Variants in DACH2 observed in about 807,000 individuals in gnomAD.
DACH2 encodes dachshund family transcription factor 2.
DACH2 carries 17 observed loss-of-function variants against 35.8 expected under a neutral mutation model. The observed-to-expected ratio is 0.48, with a 90% CI of 0.33 to 0.71. The LOEUF (loss-of-function observed/expected upper bound fraction) is 0.71, where lower values mean the gene tolerates loss of function less well. DACH2 is among the 30% of genes least tolerant of loss of function. DACH2 has a pLI of 0.02. For synonymous variants in DACH2, 195 were observed against 177.3 expected (o/e 1.10, Z -0.79); for missense variants, 469 against 472.7 (o/e 0.99, Z 0.07).
chrX:86,556,795 T>TATATAGAG lies in DACH2; in HGVS notation c.640+42405_640+42406insTATAGAGA, dbSNP rs1232719385. ...ATATATATATATATATATATATATA[T>TATATAGAG]AGAGAGAGAGAGAGAGAGAGAGAGA... On this transcript the variant is annotated intron_variant, in intron 3 of 11. Coordinates refer to ENST00000373125, the MANE Select transcript of DACH2 (RefSeq NM_053281.3). Among the ~76,000 whole-genome samples, 38 of 25,266 alleles carry TATATAGAG rather than the reference T, an allele frequency of 1.5e-3. 1 individual carries two copies. Among genetic ancestry groups the TATATAGAG allele is most frequent in the Non-Finnish European group, 2.0e-3 (31 of 15,831 alleles). The allele number at this position is 25,266 out of a possible 115,157, so 21.9% of individuals were successfully genotyped here. A position where few individuals can be genotyped will look rare whatever the true frequency, so the allele number is the denominator to read the frequency against.
chrX:86,435,372 C>T (rs966640867), intron 2 of DACH2, among the ~76,000 whole-genome samples: 10 of 111,428 alleles, frequency 9.0e-5, no homozygotes, highest in South Asian at 3.7e-4. Flanking sequence ...AATGATCAGC[C>T]GCTTATATTG....
intron 3 of DACH2, among the ~76,000 whole-genome samples, chrX:86,538,560 G>T (rs761068900): frequency 8.9e-6 from 1 of 112,254 alleles, no homozygotes; most frequent in African/African-American, 3.2e-5. Flanking sequence ...AGTTCTGGAA[G>T]CTTGGAAGTC....
chrX:86,596,656 C>T (rs908099634), intron 3 of DACH2, among the ~76,000 whole-genome samples: 1 of 111,157 alleles, frequency 9.0e-6, no homozygotes, highest in African/African-American at 3.3e-5. Flanking sequence ...AATATTCTCT[C>T]GAGTTCTGTC....
intron 1 of DACH2, among the ~76,000 whole-genome samples, chrX:86,262,430 T>C (rs1469229867): frequency 1.8e-5 from 2 of 112,308 alleles, no homozygotes; most frequent in Non-Finnish European, 3.8e-5. Flanking sequence ...ATAATTTGCA[T>C]ATATCAGCAG....
intron 7 of DACH2, among the ~76,000 whole-genome samples, chrX:86,779,891 A>ACTGCCT (rs2042073272): frequency 1.8e-5 from 2 of 111,761 alleles, no homozygotes; most frequent in Admixed American, 9.5e-5. Context: ...TCCCACTGCC[A>ACTGCCT]CTGCCCCAAT....
chrX:86,197,223 G>A (rs1330967241), intron 1 of DACH2, among the ~76,000 whole-genome samples: 4 of 111,365 alleles, frequency 3.6e-5, no homozygotes, highest in African/African-American at 9.8e-5. Flanking sequence ...AGGGAAATTC[G>A]ATACCAGCCA....
intron 1 of DACH2, among the ~76,000 whole-genome samples, chrX:86,307,419 G>A (rs1459053541): frequency 1.8e-5 from 2 of 111,852 alleles, no homozygotes; most frequent in Non-Finnish European, 3.8e-5. Flanking sequence ...CCTGCAACTT[G>A]GAATGGGGAT....
intron 2 of DACH2, among the ~76,000 whole-genome samples, chrX:86,493,665 A>G (rs1343724120): frequency 3.6e-5 from 4 of 111,633 alleles, no homozygotes; most frequent in Non-Finnish European, 3.8e-5. Context: ...CTTCCAATTT[A>G]CAGATTAGGA....
At chrX:86,611,171 T>C (rs2039939596) in intron 3 of DACH2, among the ~76,000 whole-genome samples, 1 of 110,872 alleles carries the variant, frequency 9.0e-6, no homozygotes, top group Non-Finnish European at 1.9e-5. Context: ...TTAAGGAAAT[T>C]GGTTTCCTTT....
At chrX:86,190,349 T>A (rs2031794793) in intron 1 of DACH2, among the ~76,000 whole-genome samples, 1 of 111,367 alleles carries the variant, frequency 9.0e-6, no homozygotes, top group Non-Finnish European at 1.9e-5. Context: ...TCCTCCTGCT[T>A]TTCATCTGTC....
intron 3 of DACH2, among the ~76,000 whole-genome samples, chrX:86,583,930 C>T (rs2039535554): frequency 9.1e-6 from 1 of 110,209 alleles, no homozygotes; most frequent in African/African-American, 3.3e-5. Context: ...GAGAGTAATG[C>T]CTGCCTAGTA....
chrX:86,453,748 G>T (rs759781526), intron 2 of DACH2, among the ~76,000 whole-genome samples: 1 of 111,417 alleles, frequency 9.0e-6, no homozygotes, highest in East Asian at 2.8e-4. Flanking sequence ...ATACCAGTGG[G>T]TCTTGGTTCT....
rs758207115 is a variant in DACH2, at chrX:86,508,387, C to T, written c.528-5892C>T. On this transcript the variant is annotated intron_variant, in intron 2 of 11. Transcript: ENST00000373125. ...CAGCCTGACCAATATGGCAAAACCCCGTCTCTACTAAAAATGCAAAAAATT... is the reference window on the plus strand; with the variant it reads ...CAGCCTGACCAATATGGCAAAACCCTGTCTCTACTAAAAATGCAAAAAATT... 6.4e-5 allele frequency among the ~76,000 whole-genome samples: 7 copies of T among 109,546 alleles called. No homozygotes were observed. In the East Asian group the frequency reaches 2.0e-3, roughly 32 times the overall value.
At chrX:86,424,394 T>C (rs767723064) in intron 2 of DACH2, among the ~76,000 whole-genome samples, 1 of 110,892 alleles carries the variant, frequency 9.0e-6, no homozygotes, top group East Asian at 2.8e-4. Flanking sequence ...ATTATGGAGA[T>C]CATTTACTTC....
chrX:86,551,332 T>C (rs1331313058), intron 3 of DACH2, among the ~76,000 whole-genome samples: 4 of 111,759 alleles, frequency 3.6e-5, no homozygotes, highest in Non-Finnish European at 7.5e-5. Context: ...TTTGAAGGCA[T>C]CCTTGAATAT....
chrX:86,312,026 G>A (rs754870356), intron 1 of DACH2, among the ~76,000 whole-genome samples: 1 of 111,024 alleles, frequency 9.0e-6, no homozygotes, highest in Admixed American at 9.6e-5. Context: ...CACCCCACCA[G>A]GAAAAAAACC....
chrX:86,375,487 T>C (rs1487683259), intron 1 of DACH2, among the ~76,000 whole-genome samples: 1 of 104,391 alleles, frequency 9.6e-6, no homozygotes, highest in Non-Finnish European at 2.0e-5. Flanking sequence ...GACGGACCTT[T>C]GGTAAAATTG....
chrX:86,444,763 T>G (rs1451023818), intron 2 of DACH2, among the ~76,000 whole-genome samples: 1 of 111,442 alleles, frequency 9.0e-6, no homozygotes, highest in African/African-American at 3.3e-5. Flanking sequence ...TGCTCTTTTA[T>G]TTTTTATTTA....
At chrX:86,289,782 T>C (rs2034236539) in intron 1 of DACH2, among the ~76,000 whole-genome samples, 1 of 109,647 alleles carries the variant, frequency 9.1e-6, no homozygotes, top group Non-Finnish European at 1.9e-5. Context: ...TAGTATCCCA[T>C]GGTGTATATG....
Sources: gnomAD v4.1 joint callset for allele counts (sites outside exome capture counted in the v4.1 genomes callset) on GRCh38, gnomAD v4.1.1 for gene constraint, MANE v1.5 for transcripts, NCBI Gene and HGNC (gene_info 2026-07-23, HGNC 2026-07-21) for gene names.